The following FRS2 variants were observed in gnomAD, a reference collection of about 807,000 sequenced individuals.
The protein encoded by FRS2 is FGFR signalling adaptor.
FRS2 carries 8 observed loss-of-function variants against 43.9 expected under a neutral mutation model. The observed-to-expected ratio is 0.18, with a 90% CI of 0.11 to 0.33. The LOEUF (loss-of-function observed/expected upper bound fraction) is 0.33, where lower values mean the gene tolerates loss of function less well. Ranked by LOEUF, FRS2 falls within the 10% of genes least tolerant of loss-of-function variation. The pLI is 1.00. For missense variants in FRS2, 534 were observed against 627.6 expected (o/e 0.85, Z 1.59); for synonymous variants, 219 against 220.3 (o/e 0.99, Z 0.05).
chr12:69,506,676 T>A (rs923172679), intron 1 of FRS2, among the ~76,000 whole-genome samples: 1 of 152,132 alleles, frequency 6.6e-6, no homozygotes, highest in Admixed American at 6.5e-5. Flanking sequence ...TTCTCTAAAT[T>A]TACAATTTCG....
intron 3 of FRS2, among the ~76,000 whole-genome samples, chr12:69,540,530 A>G (rs1485035424): frequency 1.3e-5 from 2 of 152,238 alleles, no homozygotes; most frequent in Non-Finnish European, 2.9e-5. Context: ...TGATACTGGT[A>G]TGAATAAATG....
At position 69,562,209 on chromosome 12, in the gene FRS2, A is replaced by G. The variant is rs1254957263; in HGVS notation, c.-92A>G. On this transcript the variant is annotated 5_prime_UTR_variant, in exon 4 of 9. Transcript: ENST00000549921. ...AATCAGCAAACAAAGAAAACATGGT[A>G]TTTTGAAATATGATTAAACTCCTGA... 7 of 398,162 alleles carry G rather than the reference A, an allele frequency of 1.8e-5. No individual in the cohort carries two copies. The highest frequency in any genetic ancestry group is 1.0e-4 in the African/African-American group (5 of 48,612). 24.7% of individuals were successfully genotyped at this position (398,162 alleles called of 1,614,324 possible). A position where few individuals can be genotyped will look rare whatever the true frequency, so the allele number is the denominator to read the frequency against.
intron 1 of FRS2, among the ~76,000 whole-genome samples, chr12:69,491,128 C>A (rs897416123): frequency 9.2e-5 from 14 of 152,174 alleles, no homozygotes; most frequent in African/African-American, 3.4e-4. Context: ...GGGTCTCTTG[C>A]TCTGTCACCC....
chr12:69,546,963 C>T (rs1237726979), intron 3 of FRS2, among the ~76,000 whole-genome samples: 1 of 152,112 alleles, frequency 6.6e-6, no homozygotes, highest in African/African-American at 2.4e-5. Flanking sequence ...GGAAGCAACC[C>T]AAGTGTTCAT....
chr12:69,548,474 GTA>G (rs1452073080), intron 3 of FRS2, among the ~76,000 whole-genome samples: 1 of 152,178 alleles, frequency 6.6e-6, no homozygotes, highest in Admixed American at 6.5e-5. Context: ...TTTTAGGTTG[GTA>G]ACTTTTATTT....
chr12:69,572,672 G>A (rs1473529544), intron 8 of FRS2, among the ~76,000 whole-genome samples: 1 of 152,194 alleles, frequency 6.6e-6, no homozygotes. Context: ...GAGTTATTTA[G>A]TGTTCCCGAG....
intron 3 of FRS2, among the ~76,000 whole-genome samples, chr12:69,559,253 T>G (rs183052732): frequency 4.5e-4 from 68 of 152,342 alleles, no homozygotes; most frequent in African/African-American, 1.5e-3. Flanking sequence ...CTGGTTTTAC[T>G]TATGTTTTAT....
chr12:69,512,538 A>G (rs1039693438), intron 1 of FRS2, among the ~76,000 whole-genome samples: 2 of 152,184 alleles, frequency 1.3e-5, no homozygotes, highest in African/African-American at 4.8e-5. Flanking sequence ...GTATCTTTAT[A>G]AGGTGAGTGG....
chr12:69,546,131 A>G (rs1032964822), intron 3 of FRS2, among the ~76,000 whole-genome samples: 7 of 152,238 alleles, frequency 4.6e-5, no homozygotes, highest in Admixed American at 4.6e-4. Flanking sequence ...CAAGGACTTG[A>G]ATAGACATTA....
intron 1 of FRS2, among the ~76,000 whole-genome samples, chr12:69,473,872 C>T (rs1402892071): frequency 6.6e-6 from 1 of 152,060 alleles, no homozygotes; most frequent in African/African-American, 2.4e-5. Context: ...GAGACAGAGT[C>T]TAGCTTTGTT....
intron 3 of FRS2, among the ~76,000 whole-genome samples, chr12:69,561,207 A>G (rs895928719): frequency 5.3e-5 from 8 of 152,188 alleles, no homozygotes; most frequent in Admixed American, 6.6e-5. Context: ...GAAGAGGGAC[A>G]GGATTGCCAC....
chr12:69,540,070 A>G (rs1877736929), intron 3 of FRS2, among the ~76,000 whole-genome samples: 1 of 151,516 alleles, frequency 6.6e-6, no homozygotes, highest in African/African-American at 2.4e-5. Context: ...TGGCTAACAC[A>G]GTGAAACCTC....
chr12:69,533,642 C>T (rs1485071971), intron 3 of FRS2, among the ~76,000 whole-genome samples: 17 of 152,264 alleles, frequency 1.1e-4, no homozygotes, highest in Non-Finnish European at 1.3e-4. Flanking sequence ...AGCCACCACG[C>T]CTGGCCATAT....
intron 1 of FRS2, among the ~76,000 whole-genome samples, chr12:69,520,839 T>C (rs190807340): frequency 2.0e-5 from 3 of 152,330 alleles, no homozygotes; most frequent in East Asian, 3.9e-4. Flanking sequence ...TAATTTGAAG[T>C]CAGGTAGCAT....
chr12:69,563,440 C>A (rs1008380489), intron 4 of FRS2, among the ~76,000 whole-genome samples: 3 of 152,072 alleles, frequency 2.0e-5, no homozygotes, highest in Non-Finnish European at 4.4e-5. Context: ...GGGTTTTGCC[C>A]CATTTTGTAT....
At chr12:69,544,244 C>T (rs551345349) in intron 3 of FRS2, among the ~76,000 whole-genome samples, 17 of 151,710 alleles carry the variant, frequency 1.1e-4, no homozygotes, top group South Asian at 8.4e-4. Context: ...TGATCAAGTG[C>T]GTCTTATTCC....
chr12:69,523,175 G>T (rs1396114162), intron 1 of FRS2, among the ~76,000 whole-genome samples: 3 of 152,144 alleles, frequency 2.0e-5, no homozygotes, highest in Non-Finnish European at 4.4e-5. Context: ...ACTGTCAGTG[G>T]GGTGTTAAAG....
chr12:69,519,971 T>C (rs915513572), intron 1 of FRS2, among the ~76,000 whole-genome samples: 2 of 152,232 alleles, frequency 1.3e-5, no homozygotes, highest in African/African-American at 4.8e-5. Flanking sequence ...TTTAGCTCTT[T>C]GAGGAATCAC....
intron 3 of FRS2, among the ~76,000 whole-genome samples, chr12:69,538,191 CAA>C (rs1877490776): frequency 1.5e-5 from 1 of 67,896 alleles, no homozygotes; most frequent in African/African-American, 9.9e-5. Flanking sequence ...ATTAAAAAAA[CAA>C]ATTTTATATA....
Sources: gnomAD v4.1 joint callset for allele counts (sites outside exome capture counted in the v4.1 genomes callset) on GRCh38, gnomAD v4.1.1 for gene constraint, MANE v1.5 for transcripts, NCBI Gene and HGNC (gene_info 2026-07-23, HGNC 2026-07-21) for gene names.